Variants in CIT observed in about 807,000 individuals in gnomAD.
CIT encodes citron rho-interacting serine/threonine kinase, also known as citron Rho-interacting kinase.
CIT carries 79 observed loss-of-function variants against 272.7 expected under a neutral mutation model. That is an observed-to-expected ratio of 0.29 (90% confidence interval 0.24 to 0.35). The LOEUF (loss-of-function observed/expected upper bound fraction) is 0.35. Among genes scored for constraint, CIT ranks in the 10% least tolerant of loss-of-function variants. The pLI, the probability that CIT is intolerant of heterozygous loss-of-function variation, is 1.00. For missense variants in CIT, 1,909 were observed against 2,618.3 expected (o/e 0.73, Z 5.91); for synonymous variants, 948 against 995.6 (o/e 0.95, Z 0.90).
chr12:119,763,399 T>G (rs1267463943), intron 19 of CIT, among the ~76,000 whole-genome samples: 3 of 75,950 alleles, frequency 3.9e-5, no homozygotes, highest in Non-Finnish European at 8.2e-5. Context: ...TTTGTATTTT[T>G]TGTAGACAAG....
In CIT at chr12:119,784,850, T is replaced by G; in HGVS notation, c.1401+110A>C. On this transcript the variant is annotated intron_variant, in intron 11 of 47. Transcript: ENST00000392521. The surrounding 1 kb of genome is among the most constrained non-coding windows in gnomAD (Gnocchi z 4.7). ...CAGCGAAGGCAGGAGCGCCTCACTC[T>G]CTACGGATCAGGCGGCTCAGAGCCA... is the stretch of plus-strand genomic sequence containing the variant. 3 of 1,489,510 alleles carry G rather than the reference T, an allele frequency of 2.0e-6. No individual in the cohort carries two copies. The highest frequency in any genetic ancestry group is 2.7e-6 in the Non-Finnish European group (3 of 1,120,382). 92.3% of individuals were successfully genotyped at this position (1,489,510 alleles called of 1,614,324 possible). A position where few individuals can be genotyped will look rare whatever the true frequency, so the allele number is the denominator to read the frequency against.
At chr12:119,865,907 C>A (rs901730227) in intron 3 of CIT, among the ~76,000 whole-genome samples, 2 of 149,032 alleles carry the variant, frequency 1.3e-5, no homozygotes, top group Non-Finnish European at 1.5e-5. Context: ...TCCTATTTTA[C>A]AGATGAGAAA....
chr12:119,791,199 T>C (rs1394719271), intron 10 of CIT, among the ~76,000 whole-genome samples: 2 of 152,318 alleles, frequency 1.3e-5, no homozygotes, highest in East Asian at 3.9e-4. Context: ...CTTAGCTAGA[T>C]GGCCTTGGAC....
In CIT at chr12:119,840,571, T is replaced by C. The variant is rs76901141; in HGVS notation, c.517-6343A>G. ...CACTCAGCAATTGAATTGAAGTCAA[T>C]AAGAGGAATTAATATCTCATTTCAC... On this transcript the variant is annotated intron_variant, in intron 5 of 47. Transcript: ENST00000392521. Among the ~76,000 whole-genome samples the C allele has an allele frequency of 2.2e-4, 33 of 152,200 alleles. No individual in the cohort carries two copies. The East Asian group carries it at 5.4e-3, about 25-fold the overall frequency.
intron 24 of CIT, among the ~76,000 whole-genome samples, chr12:119,736,897 A>AATAAGAC (rs1016727938): frequency 5.3e-5 from 8 of 152,218 alleles, no homozygotes; most frequent in African/African-American, 1.4e-4. Context: ...CCCAAAGAAA[A>AATAAGAC]ATAAGACAGG....
intron 2 of CIT, among the ~76,000 whole-genome samples, chr12:119,873,499 C>T (rs998614912): frequency 4.6e-5 from 7 of 151,546 alleles, no homozygotes; most frequent in Middle Eastern, 6.8e-3. Context: ...GGGCTGCTCT[C>T]GAACTCCTGA....
At chr12:119,693,859 C>G (rs1956084507) in intron 46 of CIT, among the ~76,000 whole-genome samples, 2 of 152,194 alleles carry the variant, frequency 1.3e-5, no homozygotes, top group Non-Finnish European at 2.9e-5. Flanking sequence ...TGTGGTTCTT[C>G]CACCAAATTA....
intron 13 of CIT, among the ~76,000 whole-genome samples, chr12:119,779,790 G>A (rs920094311): frequency 2.6e-5 from 4 of 152,152 alleles, no homozygotes; most frequent in African/African-American, 4.8e-5. Context: ...CCAAGCTCTC[G>A]GGGCACCCAG....
intron 23 of CIT, among the ~76,000 whole-genome samples, chr12:119,747,711 TC>T (rs1292267896): frequency 2.0e-5 from 3 of 152,006 alleles, no homozygotes; most frequent in Non-Finnish European, 4.4e-5. Flanking sequence ...AGAGTGAGAC[TC>T]CGTCTCAAAA....
chr12:119,774,057 G>A (rs181995103), intron 16 of CIT, among the ~76,000 whole-genome samples: 41 of 152,274 alleles, frequency 2.7e-4, no homozygotes, highest in African/African-American at 8.9e-4. Flanking sequence ...GTCACAAAAG[G>A]ACAAACACTG....
At chr12:119,742,377 T>C in intron 24 of CIT, 34 bp downstream of exon 24, 2 of 1,525,932 alleles carry the variant, frequency 1.3e-6, no homozygotes, top group Non-Finnish European at 1.8e-6. Flanking sequence ...TAGTTTCATG[T>C]TATTTTAATC....
intron 10 of CIT, among the ~76,000 whole-genome samples, chr12:119,788,415 A>C (rs1964998570): frequency 1.3e-5 from 2 of 152,178 alleles, no homozygotes; most frequent in Non-Finnish European, 2.9e-5. Context: ...CTGGTCCTTC[A>C]GAGATCAAAA....
chr12:119,751,561 G>T (rs557117670), intron 23 of CIT, among the ~76,000 whole-genome samples: 1 of 148,488 alleles, frequency 6.7e-6, no homozygotes, highest in South Asian at 2.1e-4. Context: ...TTCCCATCCA[G>T]TTCATACCAG....
intron 28 of CIT, among the ~76,000 whole-genome samples, chr12:119,724,631 C>G (rs1399031191): frequency 6.6e-6 from 1 of 152,016 alleles, no homozygotes; most frequent in Non-Finnish European, 1.5e-5. Context: ...TTCCAATGAA[C>G]AGATAGTGGC....
intron 7 of CIT, among the ~76,000 whole-genome samples, chr12:119,825,999 C>T (rs1374158606): frequency 6.6e-6 from 1 of 152,014 alleles, no homozygotes; most frequent in African/African-American, 2.4e-5. Context: ...ACCTGGGAGG[C>T]GGAGGTTGCA....
At chr12:119,717,202 A>G (rs1957538741) in intron 32 of CIT, among the ~76,000 whole-genome samples, 1 of 151,822 alleles carries the variant, frequency 6.6e-6, no homozygotes, top group Admixed American at 6.6e-5. Context: ...ACAGGCATGC[A>G]CCACCACACC....
intron 10 of CIT, among the ~76,000 whole-genome samples, chr12:119,799,182 G>A (rs1408882965): frequency 6.6e-6 from 1 of 152,160 alleles, no homozygotes; most frequent in Non-Finnish European, 1.5e-5. Context: ...AATCATTGCT[G>A]AGTCCTTTCC....
At chr12:119,850,958 A>G (rs769762801) in intron 4 of CIT, among the ~76,000 whole-genome samples, 2 of 152,248 alleles carry the variant, frequency 1.3e-5, no homozygotes, top group Non-Finnish European at 2.9e-5. Flanking sequence ...ACAGATGCAT[A>G]AAATAAGTAA....
At chr12:119,752,014 CT>C in intron 23 of CIT, 35 bp downstream of exon 23, 1 of 1,587,676 alleles carries the variant, frequency 6.3e-7, no homozygotes, top group Non-Finnish European at 8.6e-7. Context: ...TAGCTGAGGC[CT>C]TTAGCAACCT....
Sources: gnomAD v4.1 joint callset for allele counts (sites outside exome capture counted in the v4.1 genomes callset) on GRCh38, gnomAD v4.1.1 for gene constraint, Gnocchi (gnomAD v3.1) non-coding constraint, MANE v1.5 for transcripts, NCBI Gene and HGNC (gene_info 2026-07-23, HGNC 2026-07-21) for gene names.